Variants in SLTM observed in about 807,000 individuals in gnomAD.
SLTM encodes SAFB like transcription modulator, also known as SAFB-like transcription modulator.
A neutral mutation model predicts 134.6 loss-of-function variants in SLTM; 43 were observed. That is an observed-to-expected ratio of 0.32 (90% CI 0.25 to 0.41). SLTM has a LOEUF of 0.41. SLTM is among the 10% of genes least tolerant of loss of function. SLTM has a pLI of 1.00. For missense variants in SLTM, 1,055 were observed against 1,288.8 expected, an observed-to-expected ratio of 0.82 and a Z score of 2.78; for synonymous variants, 424 against 432.3, an observed-to-expected ratio of 0.98 and a Z score of 0.24.
At chr15:58,893,471 T>TA (rs145773563) in intron 12 of SLTM, 107 bp from the exon 13 acceptor site, 4 of 733,508 alleles carry the variant, frequency 5.5e-6, no homozygotes, top group African/African-American at 1.8e-5. Context: ...ATACATGAAA[T>TA]AAAAAAACTA....
In SLTM at chr15:58,897,204, C is replaced by T. The variant is rs1307332801; in HGVS notation, c.1138G>A (p.Gly380Arg). Residue 380 changes from glycine (G) to arginine (R), a missense_variant, in exon 9 of 21, where the codon GGA (glycine) becomes AGA (arginine). By Grantham distance (125) the Gly-to-Arg change is moderately radical. Around this residue, in one of 3 missense-constraint regions of SLTM, gnomAD observed 776 missense variants for 962.2 expected, o/e 0.81. Transcript: ENST00000380516. Reference sequence around the variant, plus strand: ...ACCCAGATATTTTTAGTTGAGCTTCCACTGCTACCACTAGTACTACTTGTA... The same window carrying T: ...ACCCAGATATTTTTAGTTGAGCTTCTACTGCTACCACTAGTACTACTTGTA... ...GSTSSTSGSSGSSTKNIWVSG... is the reference protein window; with the variant it reads ...GSTSSTSGSSRSSTKNIWVSG... 6 of 1,607,064 alleles carry T rather than the reference C, an allele frequency of 3.7e-6. No individual in the cohort carries two copies. In the Admixed American group the frequency reaches 8.3e-5, roughly 22 times the overall value.
chr15:58,897,297 G>T, intron 8 of SLTM, 64 bp from the exon 9 acceptor site: 1 of 894,206 alleles, frequency 1.1e-6, no homozygotes, highest in South Asian at 1.5e-5. Context: ...AAAACTATAA[G>T]GGCCACATTC....
chr15:58,890,342 T>C lies in SLTM; in HGVS notation c.2018A>G (p.Lys673Arg), dbSNP rs141568096. 1 of 1,613,966 alleles carries C rather than the reference T, an allele frequency of 6.2e-7. No homozygotes were observed. The highest frequency in any genetic ancestry group is 8.5e-7 in the Non-Finnish European group (1 of 1,179,980). Reference protein sequence around the residue: ...ERERLEIERQKLERERMERER... With the variant: ...ERERLEIERQRLERERMERER... ...GCGTTCCATTCTCTCTCTCTCTAGTTTTTGCCTTTCAATTTCTAGGCGCTC... is the reference window on the plus strand; with the variant it reads ...GCGTTCCATTCTCTCTCTCTCTAGTCTTTGCCTTTCAATTTCTAGGCGCTC... Residue 673 changes from lysine to arginine, a missense_variant, in exon 15 of 21, where the codon AAA becomes AGA. Physicochemically the swap from Lys to Arg is conservative, Grantham distance 26. This residue lies in a region of SLTM where 776 missense variants were observed against 962.2 expected (regional missense o/e 0.81). Coordinates refer to ENST00000380516, the MANE Select transcript of SLTM (RefSeq NM_024755.4).
intron 8 of SLTM, chr15:58,897,906 T>C (rs1035116260): frequency 1.3e-5 from 2 of 152,154 alleles, no homozygotes; most frequent in Non-Finnish European, 2.9e-5. Context: ...TTCATATGTA[T>C]AGAGGCCATA....
At chr15:58,910,797 T>A (rs1212206883) in intron 5 of SLTM, among the ~76,000 whole-genome samples, 1 of 146,058 alleles carries the variant, frequency 6.8e-6, no homozygotes, top group Non-Finnish European at 1.5e-5. Flanking sequence ...TAGGCTGGAG[T>A]GTAGTGGCAC....
chr15:58,931,378 G>T (rs1454309496), intron 2 of SLTM, among the ~76,000 whole-genome samples: 3 of 152,182 alleles, frequency 2.0e-5, no homozygotes, highest in African/African-American at 7.2e-5. Context: ...GTGTGCTTAA[G>T]ATCAAAATTT....
chr15:58,886,985 C>G lies in SLTM; in HGVS notation c.2825G>C (p.Gly942Ala). ...GDRGVITDRG[G>A]GSQHYPEERH... is the part of the protein sequence containing the mutation. ...TCCCGCAGCACTTACCTGTGATCCA[C>G]CTCCTCGGTCTGTGATGACTCCTCT... The change falls in exon 19 of 21, where the codon GGT becomes GCT. Residue 942 changes from glycine to alanine, a missense_variant. Coordinates refer to ENST00000380516, the MANE Select transcript of SLTM (RefSeq NM_024755.4). 6.2e-7 allele frequency: 1 copy of G among 1,612,422 alleles called. No individual in the cohort carries two copies. Among genetic ancestry groups the G allele is most frequent in the Non-Finnish European group, 8.5e-7 (1 of 1,180,000 alleles).
chr15:58,920,340 A>G (rs1390960865), intron 2 of SLTM, among the ~76,000 whole-genome samples: 1 of 146,078 alleles, frequency 6.8e-6, no homozygotes, highest in Non-Finnish European at 1.5e-5. Context: ...ATAAATAAAT[A>G]AGGCTGGGCA....
intron 6 of SLTM, 120 bp from the exon 7 acceptor site, chr15:58,900,057 G>GTAA: frequency 1.6e-6 from 1 of 644,550 alleles, no homozygotes; most frequent in African/African-American, 1.9e-5. Context: ...TGGAAGTTAG[G>GTAA]GAAAAAAAAA....
chr15:58,929,388 C>T (rs1240408869), intron 2 of SLTM, among the ~76,000 whole-genome samples: 3 of 151,824 alleles, frequency 2.0e-5, no homozygotes, highest in Non-Finnish European at 4.4e-5. Flanking sequence ...GCGGAGGTTG[C>T]AGTGAGCCGA....
intron 5 of SLTM, among the ~76,000 whole-genome samples, chr15:58,901,558 G>A (rs570308046): frequency 7.2e-5 from 11 of 152,282 alleles, no homozygotes; most frequent in African/African-American, 2.6e-4. Flanking sequence ...TTCAAAACTA[G>A]TTTATATAAT....
chr15:58,915,061 T>A (rs1382038350), intron 3 of SLTM, among the ~76,000 whole-genome samples: 4 of 152,030 alleles, frequency 2.6e-5, no homozygotes, highest in Non-Finnish European at 5.9e-5. Flanking sequence ...CCTGGTGCGG[T>A]AAGCCGGTAA....
At chr15:58,902,481 G>A (rs1194619552) in intron 5 of SLTM, among the ~76,000 whole-genome samples, 1 of 151,598 alleles carries the variant, frequency 6.6e-6, no homozygotes, top group Non-Finnish European at 1.5e-5. Flanking sequence ...CAACCCCTGG[G>A]CTCAAGTGAT....
chr15:58,915,547 A>AAT (rs1284703192), intron 3 of SLTM, among the ~76,000 whole-genome samples: 1 of 152,216 alleles, frequency 6.6e-6, no homozygotes, highest in Admixed American at 6.5e-5. Context: ...TGGAAGATAT[A>AAT]TAGTAAGGGT....
intron 2 of SLTM, among the ~76,000 whole-genome samples, chr15:58,924,946 A>G (rs1353955226): frequency 6.6e-6 from 1 of 152,096 alleles, no homozygotes; most frequent in Non-Finnish European, 1.5e-5. Flanking sequence ...TGGCCTCCCA[A>G]AGTGCTGGGA....
chr15:58,894,081 A>C lies in SLTM; in HGVS notation c.1481+9T>G, dbSNP rs773846686. 6.3e-7 allele frequency: 1 copy of C among 1,594,484 alleles called. No individual in the cohort carries two copies. Among genetic ancestry groups the C allele is most frequent in the Non-Finnish European group, 8.5e-7 (1 of 1,171,826 alleles). On this transcript the variant is annotated intron_variant, in intron 11 of 20. Coordinates refer to ENST00000380516, the MANE Select transcript of SLTM (RefSeq NM_024755.4). ...TTATCAAAATAAATAAATAAAAATA[A>C]ATCCTTACTTGCTACTTCTATCACT...
chr15:58,890,495 T>C (rs1301882451), intron 14 of SLTM, 34 bp from the exon 15 acceptor site: 1 of 1,605,158 alleles, frequency 6.2e-7, no homozygotes, highest in South Asian at 1.1e-5. Context: ...ATACTTAAAT[T>C]ATGCTAGCAC....
chr15:58,918,528 A>G (rs905232049), intron 2 of SLTM, among the ~76,000 whole-genome samples: 70 of 152,346 alleles, frequency 4.6e-4, no homozygotes, highest in African/African-American at 1.6e-3. Context: ...GTAAAAAACA[A>G]GATTAGGAGT....
Position 58,888,377 on chromosome 15 carries a change from A to AT in SLTM, c.2375+7dup. 6.3e-7 allele frequency: 1 copy of AT among 1,580,260 alleles called. No homozygotes were observed. The highest frequency in any genetic ancestry group is 8.6e-7 in the Non-Finnish European group (1 of 1,167,944). On this transcript the variant is annotated splice_region_variant and intron_variant, in intron 17 of 20. Coordinates refer to ENST00000380516, the MANE Select transcript of SLTM (RefSeq NM_024755.4). ...TAAAATAAATATAACAATTTTCAAC[A>AT]TATCTACCTTTCAAAAGATGAAGAC...
Sources: gnomAD v4.1 joint callset for allele counts (sites outside exome capture counted in the v4.1 genomes callset) on GRCh38, gnomAD v4.1.1 for gene constraint, gnomAD v4.1.1 regional missense constraint, MANE v1.5 for transcripts, NCBI Gene and HGNC (gene_info 2026-07-23, HGNC 2026-07-21) for gene names.